CAMK2D: variants seen among roughly 807,000 people sequenced by gnomAD.
The protein encoded by CAMK2D is calcium/calmodulin-dependent protein kinase type II subunit delta.
In CAMK2D, 37 loss-of-function variants were observed where a neutral mutation model predicts 84.0. The ratio of observed to expected loss-of-function variants is 0.44; its 90% CI spans 0.34 to 0.58. CAMK2D has a LOEUF of 0.58. Among genes scored for constraint, CAMK2D ranks in the 20% least tolerant of loss-of-function variants. CAMK2D has a pLI of 0.02. For synonymous variants in CAMK2D, 202 were observed against 212.5 expected, an observed-to-expected ratio of 0.95 and a Z score of 0.43; for missense variants, 448 against 652.5, an observed-to-expected ratio of 0.69 and a Z score of 3.41.
chr4:113,515,924 T>G (rs13128368), intron 9 of CAMK2D, among the ~76,000 whole-genome samples: 46,410 of 152,072 alleles, frequency 0.31, 7,889 homozygotes, highest in African/African-American at 0.46. Context: ...TTCTTTACAT[T>G]ATTTTTTGTA....
At chr4:113,747,964 C>A (rs746976289) in intron 2 of CAMK2D, among the ~76,000 whole-genome samples, 1 of 152,054 alleles carries the variant, frequency 6.6e-6, no homozygotes, top group African/African-American at 2.4e-5. Flanking sequence ...TTTATTGGTA[C>A]GTTCCAATAT....
intron 2 of CAMK2D, among the ~76,000 whole-genome samples, chr4:113,686,887 CACAT>C (rs2099361460): frequency 1.3e-5 from 2 of 149,666 alleles, no homozygotes; most frequent in South Asian, 2.1e-4. Flanking sequence ...CACACACACA[CACAT>C]ACACTTCAAG....
chr4:113,494,171 C>T (rs1035369107), intron 16 of CAMK2D, among the ~76,000 whole-genome samples: 37 of 152,316 alleles, frequency 2.4e-4, no homozygotes, highest in African/African-American at 5.8e-4. Context: ...AGCTTTGTTC[C>T]GTTGCTGGTG....
chr4:113,578,961 T>A (rs1408475891), intron 4 of CAMK2D, among the ~76,000 whole-genome samples: 1 of 123,632 alleles, frequency 8.1e-6, no homozygotes, highest in Non-Finnish European at 1.7e-5. Context: ...AAAAATATGC[T>A]ACAAAATAAA....
At chr4:113,684,217 G>A (rs992120) in intron 2 of CAMK2D, among the ~76,000 whole-genome samples, 2,271 of 152,278 alleles carry the variant, frequency 0.015, 36 homozygotes, top group East Asian at 0.077. Flanking sequence ...AATGAAAATT[G>A]TATCTGTAAA....
intron 19 of CAMK2D, among the ~76,000 whole-genome samples, chr4:113,456,427 G>A (rs1484012064): frequency 6.6e-6 from 1 of 152,010 alleles, no homozygotes; most frequent in African/African-American, 2.4e-5. Context: ...AGTTGTAACC[G>A]GCCTTCCTTA....
intron 3 of CAMK2D, among the ~76,000 whole-genome samples, chr4:113,635,380 G>A (rs1052185632): frequency 1.3e-5 from 2 of 152,092 alleles, no homozygotes; most frequent in African/African-American, 4.8e-5. Context: ...CAATTTGTGT[G>A]GGAAATTGTA....
intron 2 of CAMK2D, among the ~76,000 whole-genome samples, chr4:113,673,332 T>C (rs1326900917): frequency 2.0e-5 from 3 of 152,308 alleles, no homozygotes; most frequent in East Asian, 3.9e-4. Flanking sequence ...GAGGACTCCA[T>C]TGTGATCAGG....
intron 4 of CAMK2D, among the ~76,000 whole-genome samples, chr4:113,562,848 CTTTA>C (rs1303780641): frequency 1.3e-5 from 2 of 152,168 alleles, no homozygotes; most frequent in Admixed American, 6.5e-5. Flanking sequence ...GCATATATGG[CTTTA>C]TTTAATTTAA....
chr4:113,488,315 C>G (rs1186360475), intron 16 of CAMK2D, among the ~76,000 whole-genome samples: 2 of 152,030 alleles, frequency 1.3e-5, no homozygotes, highest in African/African-American at 4.8e-5. Flanking sequence ...AGTCTGATTA[C>G]CTCTTGTATT....
intron 13 of CAMK2D, among the ~76,000 whole-genome samples, chr4:113,506,531 T>G (rs1317712351): frequency 6.6e-6 from 1 of 152,076 alleles, no homozygotes; most frequent in Non-Finnish European, 1.5e-5. Flanking sequence ...AGGTAAAAAG[T>G]CTATTAAAGA....
At chr4:113,702,184 G>GT (rs2099420257) in intron 2 of CAMK2D, among the ~76,000 whole-genome samples, 1 of 152,098 alleles carries the variant, frequency 6.6e-6, no homozygotes, top group South Asian at 2.1e-4. Context: ...ATTACTAAGA[G>GT]GTTACTTTCA....
At chr4:113,528,589 C>G (rs1265839370) in intron 8 of CAMK2D, among the ~76,000 whole-genome samples, 1 of 151,950 alleles carries the variant, frequency 6.6e-6, no homozygotes, top group Admixed American at 6.6e-5. Flanking sequence ...AGTCCTGCTT[C>G]CCTTGGTTAC....
At chr4:113,619,325 C>A (rs1229133064) in intron 3 of CAMK2D, among the ~76,000 whole-genome samples, 1 of 152,144 alleles carries the variant, frequency 6.6e-6, no homozygotes, top group Non-Finnish European at 1.5e-5. Flanking sequence ...TGTGTTTCTA[C>A]CCTGCCCTCT....
chr4:113,761,476 TAGA>T lies in CAMK2D; in HGVS notation c.-411_-409del. On this transcript the variant is annotated 5_prime_UTR_variant, in exon 1 of 21. Transcript: ENST00000511664. ...ACGATCCGCACTGGAGCAGGAGGAG[TAGA>T]AGCAGAGGGGAGGGAGTCCGAGGGG... The T allele has an allele frequency of 9.1e-7, 1 of 1,094,226 alleles. No individual in the cohort carries two copies. Among genetic ancestry groups the T allele is most frequent in the South Asian group, 2.5e-5 (1 of 40,586 alleles). 67.8% of individuals were successfully genotyped at this position (1,094,226 alleles called of 1,614,324 possible).
At chr4:113,526,617 G>A (rs1268532135) in intron 8 of CAMK2D, among the ~76,000 whole-genome samples, 1 of 151,798 alleles carries the variant, frequency 6.6e-6, no homozygotes, top group East Asian at 1.9e-4. Flanking sequence ...ACATTTCACA[G>A]ATATGAAATC....
chr4:113,496,312 T>C (rs187283388), intron 16 of CAMK2D, among the ~76,000 whole-genome samples: 1 of 152,326 alleles, frequency 6.6e-6, no homozygotes, highest in Non-Finnish European at 1.5e-5. Context: ...TCAACAATTT[T>C]TGGCCTAAAG....
At chr4:113,494,646 C>G (rs901088931) in intron 16 of CAMK2D, among the ~76,000 whole-genome samples, 2 of 152,230 alleles carry the variant, frequency 1.3e-5, no homozygotes, top group Non-Finnish European at 2.9e-5. Context: ...GGCAGGCCTC[C>G]TTGAGCTGTG....
rs1564316136 is a variant in CAMK2D, at chr4:113,451,225, T to G, written c.*3320A>C. On this transcript the variant is annotated 3_prime_UTR_variant, in exon 21 of 21. Coordinates refer to ENST00000511664, the MANE Select transcript of CAMK2D (RefSeq NM_001321571.2). ...TCCTACATTCAGCTAGATGACCACT[T>G]CATTTGGTGTCTCTCAGCCTTCTGC... is the stretch of plus-strand genomic sequence containing the variant. 1 of 152,226 alleles carries G rather than the reference T, an allele frequency of 6.6e-6. No homozygotes were observed. Among genetic ancestry groups the G allele is most frequent in the Admixed American group, 6.5e-5 (1 of 15,272 alleles). 9.4% of individuals were successfully genotyped at this position (152,226 alleles called of 1,614,324 possible).
Sources: gnomAD v4.1 joint callset for allele counts (sites outside exome capture counted in the v4.1 genomes callset) on GRCh38, gnomAD v4.1.1 for gene constraint, MANE v1.5 for transcripts, NCBI Gene and HGNC (gene_info 2026-07-23, HGNC 2026-07-21) for gene names.